The following EIF3M variants were observed in gnomAD, a reference collection of about 807,000 sequenced individuals.
The protein encoded by EIF3M is eukaryotic translation initiation factor 3 subunit M, also known as B5 receptor.
A neutral mutation model predicts 49.7 loss-of-function variants in EIF3M; 25 were observed. The observed-to-expected ratio is 0.50, with a 90% CI of 0.37 to 0.70. The LOEUF is 0.70. Among genes scored for constraint, EIF3M ranks in the 30% least tolerant of loss-of-function variants. The pLI is 0.00. For missense variants in EIF3M, 350 were observed against 440.0 expected (o/e 0.80, Z 1.83); for synonymous variants, 156 against 149.8 (o/e 1.04, Z -0.30).
At chr11:32,600,206 T>C (rs768247267) in intron 8 of EIF3M, among the ~76,000 whole-genome samples, 13 of 151,936 alleles carry the variant, frequency 8.6e-5, no homozygotes, top group Non-Finnish European at 1.6e-4. Flanking sequence ...TTTGTGAAAG[T>C]ATTTTAAAAC....
At chr11:32,585,827 T>A (rs1157157643) in intron 1 of EIF3M, among the ~76,000 whole-genome samples, 1 of 134,268 alleles carries the variant, frequency 7.4e-6, no homozygotes, top group Non-Finnish European at 1.6e-5. Flanking sequence ...GGTTTAAAAA[T>A]CTTGATGGCT....
chr11:32,587,138 G>A lies in EIF3M; in HGVS notation c.169G>A (p.Asp57Asn). ...EACDVCLKED[D>N]KDVESVMNSV... ...CTGTGATGTGTGTCTGAAGGAGGAT[G>A]ATAAAGGTTTGTTTTTAATTTTTTT... Residue 57 changes from aspartate (D) to asparagine (N), a missense_variant, in exon 2 of 11, where the codon GAT (aspartate) becomes AAT (asparagine). Transcript: ENST00000531120. The A allele has an allele frequency of 1.9e-6, 3 of 1,572,542 alleles. No homozygotes were observed. The highest frequency in any genetic ancestry group is 2.6e-6 in the Non-Finnish European group (3 of 1,161,192).
At chr11:32,586,580 C>G (rs917236723) in intron 1 of EIF3M, among the ~76,000 whole-genome samples, 18 of 152,210 alleles carry the variant, frequency 1.2e-4, no homozygotes, top group Admixed American at 4.6e-4. Context: ...TGTAACTTTT[C>G]TAGTAGCTGT....
At chr11:32,602,213 G>GTATT in intron 10 of EIF3M, 66 bp from the exon 11 acceptor site, 1 of 1,577,982 alleles carries the variant, frequency 6.3e-7, no homozygotes, top group Non-Finnish European at 8.6e-7. Context: ...CAAATCTGTA[G>GTATT]TATTATAAAA....
intron 7 of EIF3M, 75 bp downstream of exon 7, chr11:32,595,088 C>A: frequency 7.6e-7 from 1 of 1,314,794 alleles, no homozygotes; most frequent in Non-Finnish European, 1.1e-6. Flanking sequence ...GACTCTTTTT[C>A]TTTGCATTAA....
intron 2 of EIF3M, among the ~76,000 whole-genome samples, chr11:32,588,086 T>C (rs1237822792): frequency 6.6e-6 from 1 of 152,116 alleles, no homozygotes; most frequent in Non-Finnish European, 1.5e-5. Context: ...GTCTCTGTTT[T>C]ACTAGTTAGA....
At chr11:32,587,482 A>C (rs1855018836) in intron 2 of EIF3M, among the ~76,000 whole-genome samples, 1 of 152,262 alleles carries the variant, frequency 6.6e-6, no homozygotes, top group Non-Finnish European at 1.5e-5. Flanking sequence ...TACATTGTTA[A>C]CCAGAGTCTA....
At chr11:32,588,474 A>G (rs1173921333) in intron 2 of EIF3M, 120 bp from the exon 3 acceptor site, 4 of 1,165,466 alleles carry the variant, frequency 3.4e-6, no homozygotes, top group Non-Finnish European at 4.6e-6. Flanking sequence ...TGCTTTCTGA[A>G]TGCGAAAGTG....
chr11:32,584,034 AG>A, intron 1 of EIF3M, 105 bp downstream of exon 1: 1 of 1,468,206 alleles, frequency 6.8e-7, no homozygotes, highest in Non-Finnish European at 9.3e-7. Context: ...TGACACCCGC[AG>A]CTGTTCTACA....
chr11:32,585,117 G>T (rs576846493), intron 1 of EIF3M, among the ~76,000 whole-genome samples: 284 of 152,260 alleles, frequency 1.9e-3, no homozygotes, highest in African/African-American at 6.7e-3. Flanking sequence ...TGGTAGGAAT[G>T]CAGTTCCGAT....
At position 32,602,725 on chromosome 11, in the gene EIF3M, T is replaced by C; in HGVS notation, c.*326T>C. 2.8e-6 allele frequency: 3 copies of C among 1,085,536 alleles called. No individual in the cohort carries two copies. Among genetic ancestry groups the C allele is most frequent in the Non-Finnish European group, 3.9e-6 (3 of 768,682 alleles). The allele number at this position is 1,085,536 out of a possible 1,614,324, so 67.2% of individuals were successfully genotyped here. ...GAAAAGCAAAGACAAACTGTAGAGC[T>C]TTAAATACAACAGTCATTTTATTCT... On this transcript the variant is annotated 3_prime_UTR_variant, in exon 11 of 11. Coordinates refer to ENST00000531120, the MANE Select transcript of EIF3M (RefSeq NM_006360.6).
intron 2 of EIF3M, among the ~76,000 whole-genome samples, chr11:32,588,070 A>G (rs908780701): frequency 2.0e-5 from 3 of 152,204 alleles, no homozygotes; most frequent in African/African-American, 7.2e-5. Flanking sequence ...ATATACATGT[A>G]AATCAGTCTC....
At chr11:32,598,783 T>C (rs1855216463) in intron 8 of EIF3M, among the ~76,000 whole-genome samples, 1 of 152,040 alleles carries the variant, frequency 6.6e-6, no homozygotes, top group African/African-American at 2.4e-5. Flanking sequence ...TTTCTATCAC[T>C]TTATATTGAA....
At chr11:32,596,600 C>CAAAAAAAAAAAAAAAAAAAAAAAAAAA (rs35206274) in intron 8 of EIF3M, among the ~76,000 whole-genome samples, 1 of 116,394 alleles carries the variant, frequency 8.6e-6, no homozygotes. Context: ...GAGTCTGTCT[C>CAAAAAAAAAAAAAAAAAAAAAAAAAAA]AAAAAAAAAA....
intron 6 of EIF3M, 49 bp downstream of exon 6, chr11:32,593,998 A>T: frequency 1.6e-6 from 2 of 1,241,042 alleles, no homozygotes; most frequent in East Asian, 5.4e-5. Flanking sequence ...ATGTAGAGGT[A>T]AGCTACAATA....
Position 32,604,580 on chromosome 11 carries a change from T to C in EIF3M, c.*2181T>C, listed in dbSNP as rs766909905. Reference sequence around the variant, plus strand: ...GGGGTCATATTTTTATTGGTTTATATGCTATGTTAAACATTTTTAGCATTT... The same window carrying C: ...GGGGTCATATTTTTATTGGTTTATACGCTATGTTAAACATTTTTAGCATTT... On this transcript the variant is annotated 3_prime_UTR_variant, in exon 11 of 11. Coordinates refer to ENST00000531120, the MANE Select transcript of EIF3M (RefSeq NM_006360.6). 5.9e-5 allele frequency: 9 copies of C among 152,250 alleles called. No individual in the cohort carries two copies. Among genetic ancestry groups the C allele is most frequent in the Non-Finnish European group, 1.3e-4 (9 of 68,048 alleles). The allele number at this position is 152,250 out of a possible 1,614,324, so 9.4% of individuals were successfully genotyped here.
In EIF3M at chr11:32,605,186, A is replaced by T; in HGVS notation, c.*2787A>T. ...TTTTTTTTTTTTTTTTTTTTAATGA[A>T]CTTAAATGTTTAGAATGGTAAGTTC... On this transcript the variant is annotated 3_prime_UTR_variant, in exon 11 of 11. Coordinates refer to ENST00000531120, the MANE Select transcript of EIF3M (RefSeq NM_006360.6). The T allele has an allele frequency of 6.8e-6, 1 of 146,996 alleles. No homozygotes were observed. The allele number at this position is 146,996 out of a possible 1,614,324, so 9.1% of individuals were successfully genotyped here. A position where few individuals can be genotyped will look rare whatever the true frequency, so the allele number is the denominator to read the frequency against.
At chr11:32,588,013 G>A (rs1855026714) in intron 2 of EIF3M, among the ~76,000 whole-genome samples, 1 of 152,140 alleles carries the variant, frequency 6.6e-6, no homozygotes, top group African/African-American at 2.4e-5. Flanking sequence ...AATCATACCA[G>A]TAACTTCCAA....
chr11:32,600,445 C>T (rs760772699), intron 8 of EIF3M, among the ~76,000 whole-genome samples: 4 of 151,616 alleles, frequency 2.6e-5, no homozygotes, highest in Non-Finnish European at 4.4e-5. Flanking sequence ...ATTTTATGGC[C>T]GATTCTTAAC....
Sources: allele counts gnomAD v4.1 joint callset (sites outside exome capture counted in the v4.1 genomes callset), GRCh38; gene constraint gnomAD v4.1.1; transcripts MANE v1.5; gene names NCBI Gene and HGNC (gene_info 2026-07-23, HGNC 2026-07-21).